TESK2: variants seen among roughly 807,000 people sequenced by gnomAD.
TESK2 encodes dual specificity testis-specific protein kinase 2.
TESK2 carries 39 observed loss-of-function variants against 57.1 expected under a neutral mutation model. The observed-to-expected ratio is 0.68, with a 90% CI of 0.53 to 0.89. The LOEUF (loss-of-function observed/expected upper bound fraction) is 0.89. Among genes scored for constraint, TESK2 ranks in the 40% least tolerant of loss-of-function variants. TESK2 has a pLI of 0.00. For synonymous variants in TESK2, 249 were observed against 267.9 expected, an observed-to-expected ratio of 0.93 and a Z score of 0.69; for missense variants, 646 against 732.1, an observed-to-expected ratio of 0.88 and a Z score of 1.36.
At position 45,415,210 on chromosome 1, in the gene TESK2, C is replaced by T. The variant is rs935988759; in HGVS notation, c.344+6515G>A. 29 of 1,496,960 alleles carry T rather than the reference C, an allele frequency of 1.9e-5. 1 individual carries two copies. The highest frequency in any genetic ancestry group is 4.2e-5 in the African/African-American group (3 of 72,288). The allele number at this position is 1,496,960 out of a possible 1,614,324, so 92.7% of individuals were successfully genotyped here. On this transcript the variant is annotated intron_variant, in intron 3 of 10. Coordinates refer to ENST00000372086, the MANE Select transcript of TESK2 (RefSeq NM_007170.3). ...AGAATTATTCCAGGGTTTATGTGTC[C>T]GGTTGGATGGCAAGCATGTGGTCTT...
intron 5 of TESK2, among the ~76,000 whole-genome samples, chr1:45,349,555 G>A (rs1459375363): frequency 6.6e-6 from 1 of 152,214 alleles, no homozygotes; most frequent in East Asian, 1.9e-4. Context: ...AGGTAGCCCT[G>A]CCTACACTAA....
intron 4 of TESK2, among the ~76,000 whole-genome samples, chr1:45,367,890 C>G (rs1316529311): frequency 6.8e-6 from 1 of 146,810 alleles, no homozygotes; most frequent in Non-Finnish European, 1.5e-5. Context: ...AACTCCTGAC[C>G]TCAGGTGATC....
At chr1:45,394,922 T>A (rs905060655) in intron 3 of TESK2, among the ~76,000 whole-genome samples, 2 of 151,768 alleles carry the variant, frequency 1.3e-5, no homozygotes, top group African/African-American at 4.8e-5. Context: ...ACTCCTGACC[T>A]CAAGTGATCC....
chr1:45,376,068 C>CA (rs1372076472), intron 4 of TESK2, among the ~76,000 whole-genome samples: 3 of 151,716 alleles, frequency 2.0e-5, no homozygotes, highest in African/African-American at 7.3e-5. Flanking sequence ...ATGAGCAAAG[C>CA]AAAAAAATTA....
At chr1:45,421,439 T>C (rs1287138867) in intron 3 of TESK2, among the ~76,000 whole-genome samples, 1 of 152,156 alleles carries the variant, frequency 6.6e-6, no homozygotes, top group Non-Finnish European at 1.5e-5. Context: ...CTTTGATAAA[T>C]TACCAGTCAG....
chr1:45,479,251 C>A (rs934283281), intron 1 of TESK2, among the ~76,000 whole-genome samples: 1 of 151,966 alleles, frequency 6.6e-6, no homozygotes, highest in East Asian at 1.9e-4. Flanking sequence ...AACTTTTAGT[C>A]AGATTCTAGT....
At chr1:45,423,219 T>C (rs528494463) in intron 2 of TESK2, among the ~76,000 whole-genome samples, 78 of 152,236 alleles carry the variant, frequency 5.1e-4, no homozygotes, top group African/African-American at 1.9e-3. Flanking sequence ...AAACTGTCTT[T>C]ATAAGATGCT....
chr1:45,437,157 G>A (rs1350795717), intron 2 of TESK2, among the ~76,000 whole-genome samples: 8 of 152,182 alleles, frequency 5.3e-5, no homozygotes, highest in African/African-American at 1.4e-4. Flanking sequence ...TAGCATGGTC[G>A]TTTTAACAAT....
At chr1:45,425,802 T>C (rs946907288) in intron 2 of TESK2, among the ~76,000 whole-genome samples, 1 of 152,036 alleles carries the variant, frequency 6.6e-6, no homozygotes, top group Non-Finnish European at 1.5e-5. Flanking sequence ...TACTAAACTT[T>C]CTATGGAATC....
chr1:45,433,677 C>T (rs965164290), intron 2 of TESK2, among the ~76,000 whole-genome samples: 1 of 152,090 alleles, frequency 6.6e-6, no homozygotes, highest in Admixed American at 6.6e-5. Flanking sequence ...TCTTTTTCCA[C>T]TTATCCATCA....
intron 1 of TESK2, among the ~76,000 whole-genome samples, chr1:45,477,265 C>T (rs1349202320): frequency 4.0e-5 from 6 of 150,852 alleles, no homozygotes; most frequent in Admixed American, 3.3e-4. Flanking sequence ...AAAACAAATA[C>T]AAAAGATATA....
At chr1:45,355,211 C>G (rs988352751) in intron 5 of TESK2, 92 bp downstream of exon 5, 21 of 1,396,490 alleles carry the variant, frequency 1.5e-5, no homozygotes, top group Non-Finnish European at 2.0e-5. Context: ...GAATTATGTC[C>G]TCTGTGATTA....
intron 3 of TESK2, among the ~76,000 whole-genome samples, chr1:45,394,793 C>T (rs1019741021): frequency 2.8e-5 from 4 of 144,092 alleles, no homozygotes; most frequent in African/African-American, 5.1e-5. Flanking sequence ...TGAGTTCAAG[C>T]GATTCTCCTG....
intron 2 of TESK2, among the ~76,000 whole-genome samples, chr1:45,428,883 G>A (rs1400428411): frequency 1.7e-4 from 25 of 145,716 alleles, no homozygotes; most frequent in Non-Finnish European, 7.5e-5. Context: ...GTGCAGTGGC[G>A]TGATCTTGGC....
chr1:45,473,122 C>T (rs966117057), intron 1 of TESK2, among the ~76,000 whole-genome samples: 1 of 151,198 alleles, frequency 6.6e-6, no homozygotes, highest in African/African-American at 2.4e-5. Context: ...CCACTGCACT[C>T]CCTGGCAAGA....
intron 4 of TESK2, among the ~76,000 whole-genome samples, chr1:45,361,323 G>A (rs1379495395): frequency 3.3e-5 from 5 of 152,086 alleles, no homozygotes; most frequent in African/African-American, 7.2e-5. Context: ...CTACTCCCTC[G>A]GTCAGCCCTA....
At position 45,432,488 on chromosome 1, in the gene TESK2, A is replaced by G. The variant is rs376957759; in HGVS notation, c.223-10642T>C. 5.6e-4 allele frequency among the ~76,000 whole-genome samples: 85 copies of G among 151,678 alleles called. 1 individual carries two copies. In the East Asian group the frequency reaches 7.2e-3, roughly 13 times the overall value. On this transcript the variant is annotated intron_variant, in intron 2 of 10. Coordinates refer to ENST00000372086, the MANE Select transcript of TESK2 (RefSeq NM_007170.3). ...GGGCAGATCACAAGGTCAGGAGATC[A>G]AGACCATCCTGGCTAACACGGTGAA...
intron 1 of TESK2, among the ~76,000 whole-genome samples, chr1:45,485,475 C>T (rs1158550523): frequency 6.6e-6 from 1 of 151,162 alleles, no homozygotes; most frequent in African/African-American, 2.4e-5. Context: ...GCATGAGCCA[C>T]CGCGCCCAGC....
At chr1:45,430,551 T>C (rs1650906808) in intron 2 of TESK2, among the ~76,000 whole-genome samples, 1 of 152,196 alleles carries the variant, frequency 6.6e-6, no homozygotes, top group South Asian at 2.1e-4. Flanking sequence ...GTCTGAGCTC[T>C]GCTCTTTTGC....
Sources: gnomAD v4.1 joint callset for allele counts (sites outside exome capture counted in the v4.1 genomes callset) on GRCh38, gnomAD v4.1.1 for gene constraint, MANE v1.5 for transcripts, NCBI Gene and HGNC (gene_info 2026-07-23, HGNC 2026-07-21) for gene names.